Variants in DCP2 observed in about 807,000 individuals in gnomAD.
DCP2 encodes the protein decapping mRNA 2.
In DCP2, 30 loss-of-function variants were observed where a neutral mutation model predicts 56.1. The observed-to-expected ratio is 0.53, with a 90% CI of 0.40 to 0.73. The LOEUF (loss-of-function observed/expected upper bound fraction) is 0.73, where lower values mean the gene tolerates loss of function less well. DCP2 is among the 30% of genes least tolerant of loss of function. The pLI, the probability that DCP2 is intolerant of heterozygous loss-of-function variation, is 0.00. For synonymous variants in DCP2, 197 were observed against 163.3 expected (o/e 1.21, Z -1.57); for missense variants, 533 against 502.7 (o/e 1.06, Z -0.58).
At chr5:112,977,958 G>GT (rs370706777) in intron 1 of DCP2, among the ~76,000 whole-genome samples, 150 of 151,538 alleles carry the variant, frequency 9.9e-4, no homozygotes, top group Admixed American at 6.0e-3. Flanking sequence ...GTTTTTTGGG[G>GT]TTTTTTTTGT....
At chr5:113,009,956 C>T (rs542576137) in intron 9 of DCP2, among the ~76,000 whole-genome samples, 26 of 140,456 alleles carry the variant, frequency 1.9e-4, no homozygotes, top group Admixed American at 1.6e-3. Flanking sequence ...CTCGCTCTGT[C>T]GTCTAGAGTA....
intron 4 of DCP2, among the ~76,000 whole-genome samples, chr5:113,000,061 CAAAAAAAAAAAA>C (rs60251393): frequency 2.2e-5 from 2 of 89,956 alleles, no homozygotes; most frequent in African/African-American, 8.7e-5. Context: ...AACTCCATCT[CAAAAAAAAAAAA>C]AAAAAAAAAG....
rs148251063 is a variant in DCP2 at position 113,001,642 on chromosome 5, C to T, written c.774C>T (p.Ser258=). 50 of 1,614,158 alleles carry T rather than the reference C, an allele frequency of 3.1e-5. No individual in the cohort carries two copies. In the East Asian group the frequency reaches 1.0e-3, roughly 33 times the overall value. ...DSDNGFSSTG[S]TPAKPTVEKL... ...ACAATGGATTTTCCTCAACTGGTAG[C>T]ACGCCGGCTAAACCCACTGTGGAAA... Residue 258 remains serine (S), a synonymous_variant, in exon 7 of 11, where the codon AGC becomes AGT. Transcript: ENST00000389063.
chr5:113,012,087 T>C (rs1202393061), intron 10 of DCP2, among the ~76,000 whole-genome samples: 1 of 152,184 alleles, frequency 6.6e-6, no homozygotes, highest in African/African-American at 2.4e-5. Flanking sequence ...CTAGTTAACA[T>C]ATATTCAGAA....
rs1749300925 is a variant in DCP2, at chr5:113,004,013, G to A, written c.878G>A (p.Arg293Lys). 1 of 1,614,098 alleles carries A rather than the reference G, an allele frequency of 6.2e-7. No individual in the cohort carries two copies. The highest frequency in any genetic ancestry group is 8.5e-7 in the Non-Finnish European group (1 of 1,179,982). ...GSPGDQWVKH[R>K]QPLQQKPYNN... The stretch of plus-strand genomic sequence containing the variant: ...CCTGGTGACCAGTGGGTAAAGCACA[G>A]GCAACCACTGCAGCAAAAGCCATAT... Residue 293 changes from arginine (R) to lysine (K), a missense_variant, in exon 8 of 11, where the codon AGG becomes AAG. Arg to Lys is a conservative substitution (Grantham distance 26). Around this residue, in one of 3 missense-constraint regions of DCP2, gnomAD observed 392 missense variants for 346.6 expected, o/e 1.13. Transcript: ENST00000389063.
chr5:113,012,374 C>G (rs535725088), intron 10 of DCP2, among the ~76,000 whole-genome samples: 1 of 152,246 alleles, frequency 6.6e-6, no homozygotes, highest in Admixed American at 6.5e-5. Context: ...GGGCAGCATA[C>G]TATAACTTGG....
At chr5:112,989,822 C>A (rs1748498247) in intron 2 of DCP2, among the ~76,000 whole-genome samples, 1 of 151,990 alleles carries the variant, frequency 6.6e-6, no homozygotes, top group South Asian at 2.1e-4. Context: ...TTCTGAGAAT[C>A]CAGTTAACAT....
At chr5:113,005,582 G>A (rs1749388409) in intron 8 of DCP2, among the ~76,000 whole-genome samples, 1 of 152,154 alleles carries the variant, frequency 6.6e-6, no homozygotes, top group South Asian at 2.1e-4. Flanking sequence ...CAACCGCTGT[G>A]GAAAAGAGTT....
chr5:112,998,917 T>C (rs1748992004), intron 4 of DCP2, among the ~76,000 whole-genome samples: 1 of 152,240 alleles, frequency 6.6e-6, no homozygotes, highest in Non-Finnish European at 1.5e-5. Context: ...CTGTTTGTTA[T>C]CTAATGGACA....
rs1748237085 is a variant in DCP2 at position 112,985,528 on chromosome 5, G to T, written c.54-307G>T. Among the ~76,000 whole-genome samples the T allele has an allele frequency of 2.0e-5, 3 of 152,178 alleles. No individual in the cohort carries two copies. The South Asian group carries it at 6.2e-4, about 32-fold the overall frequency. The stretch of plus-strand genomic sequence containing the variant: ...TATTCTTGGAAATGTTGCCAGACAT[G>T]GGAGGAAGCGGAGGTTTTCTTGCTC... On this transcript the variant is annotated intron_variant, in intron 1 of 10. Transcript: ENST00000389063.
chr5:112,997,506 G>A (rs1216513188), intron 4 of DCP2, among the ~76,000 whole-genome samples: 1 of 152,078 alleles, frequency 6.6e-6, no homozygotes, highest in Non-Finnish European at 1.5e-5. Flanking sequence ...CTATTGGTCA[G>A]TTTATTCTGC....
intron 4 of DCP2, among the ~76,000 whole-genome samples, chr5:112,996,924 C>T (rs1748883493): frequency 6.6e-6 from 1 of 152,158 alleles, no homozygotes; most frequent in Non-Finnish European, 1.5e-5. Flanking sequence ...ATAAAATGAG[C>T]ATTCCAATGG....
chr5:112,995,757 G>A (rs570185703), intron 4 of DCP2, among the ~76,000 whole-genome samples: 1 of 152,204 alleles, frequency 6.6e-6, no homozygotes, highest in Non-Finnish European at 1.5e-5. Flanking sequence ...ATTTTTAAAT[G>A]ACCGACTTTG....
rs1749882176 is a variant in DCP2 at position 113,016,268 on chromosome 5, C to A, written c.*2784C>A. The A allele has an allele frequency of 6.6e-6, 1 of 152,602 alleles. No individual in the cohort carries two copies. The highest frequency in any genetic ancestry group is 2.1e-4 in the South Asian group (1 of 4,836). 9.5% of individuals were successfully genotyped at this position (152,602 alleles called of 1,614,324 possible). ...TAGGATTTCAAATAGTGATACCCTC[C>A]TGAGACATGAGCATTTGGAGAGGCC... On this transcript the variant is annotated 3_prime_UTR_variant, in exon 11 of 11. Coordinates refer to ENST00000389063, the MANE Select transcript of DCP2 (RefSeq NM_152624.6).
intron 1 of DCP2, among the ~76,000 whole-genome samples, chr5:112,977,600 C>G (rs1747778948): frequency 6.6e-6 from 1 of 152,062 alleles, no homozygotes; most frequent in South Asian, 2.1e-4. Context: ...CGCTGCTTTT[C>G]TTTTTATCCT....
At chr5:112,999,478 G>A (rs4334876) in intron 4 of DCP2, among the ~76,000 whole-genome samples, 68,389 of 151,456 alleles carry the variant, frequency 0.45, 16,307 homozygotes, top group East Asian at 0.64. Flanking sequence ...ACAGGCATGC[G>A]CCACCCCGCC....
chr5:113,001,697 T>G (rs1245495079), intron 7 of DCP2, 23 bp downstream of exon 7: 1 of 1,590,110 alleles, frequency 6.3e-7, no homozygotes, highest in Non-Finnish European at 8.6e-7. Context: ...ATTCATGGAA[T>G]CCTGATTTTC....
rs1156240130 is a variant in DCP2 at position 113,014,131 on chromosome 5, G to C, written c.*647G>C. The C allele has an allele frequency of 6.6e-6, 1 of 152,370 alleles. No homozygotes were observed. The highest frequency in any genetic ancestry group is 1.5e-5 in the Non-Finnish European group (1 of 68,154). 9.4% of individuals were successfully genotyped at this position (152,370 alleles called of 1,614,324 possible). A position where few individuals can be genotyped will look rare whatever the true frequency, so the allele number is the denominator to read the frequency against. ...AGCCTGGAGGGGCTTGAGTGGATGG[G>C]AGCTGATGCTGTGATTTTGAGCTGT... On this transcript the variant is annotated 3_prime_UTR_variant, in exon 11 of 11. Coordinates refer to ENST00000389063, the MANE Select transcript of DCP2 (RefSeq NM_152624.6).
At chr5:112,983,344 CAG>C (rs1376496223) in intron 1 of DCP2, among the ~76,000 whole-genome samples, 1 of 151,960 alleles carries the variant, frequency 6.6e-6, no homozygotes, top group African/African-American at 2.4e-5. Context: ...AGCATTTCAA[CAG>C]AGCGGGCTGA....
Sources: gnomAD v4.1 joint callset for allele counts (sites outside exome capture counted in the v4.1 genomes callset) on GRCh38, gnomAD v4.1.1 for gene constraint, gnomAD v4.1.1 regional missense constraint, MANE v1.5 for transcripts, NCBI Gene and HGNC (gene_info 2026-07-23, HGNC 2026-07-21) for gene names.